The following GFRA1 variants were observed in gnomAD, a reference collection of about 807,000 sequenced individuals.
The protein encoded by GFRA1 is GDNF family receptor alpha 1, also known as GDNF family receptor alpha-1.
GFRA1 carries 16 observed loss-of-function variants against 51.6 expected under a neutral mutation model. The ratio of observed to expected loss-of-function variants is 0.31; its 90% confidence interval spans 0.21 to 0.47. The LOEUF is 0.47. Ranked by LOEUF, GFRA1 falls within the 20% of genes least tolerant of loss-of-function variation. The probability of loss-of-function intolerance (pLI) is 1.00; values close to 1 mark genes in which losing one functional copy is unlikely to be tolerated. For missense variants in GFRA1, 530 were observed against 594.3 expected (o/e 0.89, Z 1.13); for synonymous variants, 270 against 241.3 (o/e 1.12, Z -1.10).
At chr10:116,094,330 T>C (rs1447433677) in intron 7 of GFRA1, among the ~76,000 whole-genome samples, 1 of 152,168 alleles carries the variant, frequency 6.6e-6, no homozygotes, top group East Asian at 1.9e-4. Flanking sequence ...TGAGTGTATA[T>C]ACATATATAT....
rs1303004719 is a variant in GFRA1, at chr10:116,057,012, A to G, written c.*7386T>C. 6.6e-6 allele frequency: 1 copy of G among 152,092 alleles called. No individual in the cohort carries two copies. Among genetic ancestry groups the G allele is most frequent in the Non-Finnish European group, 1.5e-5 (1 of 68,030 alleles). The allele number at this position is 152,092 out of a possible 1,614,324, so 9.4% of individuals were successfully genotyped here. A position where few individuals can be genotyped will look rare whatever the true frequency, so the allele number is the denominator to read the frequency against. ...GACTATGTACATTCTGTAGTGCTTG[A>G]GCAATAGGCTAACAGAAAATTCGAA... On this transcript the variant is annotated 3_prime_UTR_variant, in exon 11 of 11. Transcript: ENST00000355422.
intron 5 of GFRA1, among the ~76,000 whole-genome samples, chr10:116,183,803 T>A (rs1962454219): frequency 6.6e-6 from 1 of 152,230 alleles, no homozygotes; most frequent in Admixed American, 6.5e-5. Flanking sequence ...CACTTACTGA[T>A]CCCAACTTCC....
intron 4 of GFRA1, among the ~76,000 whole-genome samples, chr10:116,248,315 G>A (rs1968036168): frequency 6.6e-6 from 1 of 152,178 alleles, no homozygotes; most frequent in Admixed American, 6.5e-5. Context: ...CTAGACCTGA[G>A]CTGCACCTCC....
At chr10:116,189,030 G>A (rs1963005139) in intron 5 of GFRA1, among the ~76,000 whole-genome samples, 1 of 151,188 alleles carries the variant, frequency 6.6e-6, no homozygotes, top group Non-Finnish European at 1.5e-5. Context: ...TGGGGCAGGA[G>A]GATTGCTTGA....
In GFRA1 at chr10:116,088,571, T is replaced by C. The variant is rs55681228; in HGVS notation, c.1197+1170A>G. 6.7e-3 allele frequency among the ~76,000 whole-genome samples: 1,020 copies of C among 152,142 alleles called. 10 individuals carry two copies. The highest frequency in any genetic ancestry group is 0.024 in the African/African-American group (977 of 41,510). ...TCAAACGAAAGAAGCTACGATACTA[T>C]AGTGACAGCATCTCTCCTGCAGGCA... On this transcript the variant is annotated intron_variant, in intron 9 of 10. Coordinates refer to ENST00000355422, the MANE Select transcript of GFRA1 (RefSeq NM_005264.8).
intron 6 of GFRA1, among the ~76,000 whole-genome samples, chr10:116,112,810 C>T (rs1957263706): frequency 6.6e-6 from 1 of 152,218 alleles, no homozygotes; most frequent in East Asian, 1.9e-4. Context: ...CCATTTCCAC[C>T]TGGAGGGGCT....
intron 5 of GFRA1, among the ~76,000 whole-genome samples, chr10:116,132,719 TAAG>T (rs1958154425): frequency 1.3e-5 from 2 of 152,130 alleles, no homozygotes; most frequent in Non-Finnish European, 2.9e-5. Flanking sequence ...TTTCACCCGG[TAAG>T]AAGATTGATC....
intron 9 of GFRA1, among the ~76,000 whole-genome samples, chr10:116,078,394 A>C (rs1369039030): frequency 6.6e-6 from 1 of 152,194 alleles, no homozygotes. Flanking sequence ...CTTGGAGCCA[A>C]GAAGATGAAG....
intron 10 of GFRA1, among the ~76,000 whole-genome samples, chr10:116,065,252 G>A (rs1955047578): frequency 6.6e-6 from 1 of 152,184 alleles, no homozygotes; most frequent in Non-Finnish European, 1.5e-5. Flanking sequence ...AGAACATCTG[G>A]TAAGCAGTGA....
At chr10:116,086,990 G>T (rs1026529557) in intron 9 of GFRA1, among the ~76,000 whole-genome samples, 1 of 152,126 alleles carries the variant, frequency 6.6e-6, no homozygotes, top group Non-Finnish European at 1.5e-5. Flanking sequence ...GCTAATTTTT[G>T]TATTTTTAGT....
At chr10:116,217,758 A>T (rs942709369) in intron 4 of GFRA1, among the ~76,000 whole-genome samples, 1 of 152,232 alleles carries the variant, frequency 6.6e-6, no homozygotes, top group Non-Finnish European at 1.5e-5. Flanking sequence ...CATCAGCAAC[A>T]TGCCAGTAAC....
At chr10:116,177,465 G>C (rs2134255226) in intron 5 of GFRA1, among the ~76,000 whole-genome samples, 1 of 152,302 alleles carries the variant, frequency 6.6e-6, no homozygotes, top group East Asian at 1.9e-4. Flanking sequence ...GTGCTCATGA[G>C]CTTGGGAGGC....
intron 5 of GFRA1, among the ~76,000 whole-genome samples, chr10:116,208,156 C>T (rs983543272): frequency 1.3e-5 from 2 of 151,900 alleles, no homozygotes; most frequent in African/African-American, 4.8e-5. Flanking sequence ...CCTGGAACAT[C>T]GGGGTGTTCC....
At chr10:116,253,259 G>A (rs1169215270) in intron 4 of GFRA1, among the ~76,000 whole-genome samples, 1 of 152,240 alleles carries the variant, frequency 6.6e-6, no homozygotes, top group Non-Finnish European at 1.5e-5. Flanking sequence ...AGAGCGCCAG[G>A]ATACCTGGAG....
intron 6 of GFRA1, among the ~76,000 whole-genome samples, chr10:116,111,303 C>A (rs868595435): frequency 6.6e-6 from 1 of 152,206 alleles, no homozygotes; most frequent in Non-Finnish European, 1.5e-5. Flanking sequence ...GCAGTGAGGG[C>A]AAGGTCCCAA....
intron 5 of GFRA1, 133 bp from the exon 6 acceptor site, chr10:116,125,690 A>C: frequency 1.4e-6 from 1 of 730,144 alleles, no homozygotes; most frequent in African/African-American, 1.7e-5. Flanking sequence ...TTTGAAGCTA[A>C]TAACTTAATG....
In GFRA1 at chr10:116,255,832, G is replaced by C. The variant is rs547392809; in HGVS notation, c.418+13671C>G. ...CACAGTCAGTTCGCAAAAAACCTGAGTTACTGCTTAAGTGTAGAGTAGAAA... is the reference window on the plus strand; with the variant it reads ...CACAGTCAGTTCGCAAAAAACCTGACTTACTGCTTAAGTGTAGAGTAGAAA... On this transcript the variant is annotated intron_variant, in intron 4 of 10. Coordinates refer to ENST00000355422, the MANE Select transcript of GFRA1 (RefSeq NM_005264.8). 80 of 997,472 alleles carry C rather than the reference G, an allele frequency of 8.0e-5. 1 individual carries two copies. In the South Asian group the frequency reaches 1.1e-3, roughly 14 times the overall value. The allele number at this position is 997,472 out of a possible 1,614,324, so 61.8% of individuals were successfully genotyped here.
At position 116,058,596 on chromosome 10, in the gene GFRA1, A is replaced by T. The variant is rs1295153901; in HGVS notation, c.*5802T>A. The T allele has an allele frequency of 1.3e-5, 2 of 152,208 alleles. No homozygotes were observed. Among genetic ancestry groups the T allele is most frequent in the African/African-American group, 4.8e-5 (2 of 41,458 alleles). 9.4% of individuals were successfully genotyped at this position (152,208 alleles called of 1,614,324 possible). ...CCCTGGGAGACTGAGTCTCAGTTTC[A>T]TGAATGATTTGTAAAGAGAATACAG... On this transcript the variant is annotated 3_prime_UTR_variant, in exon 11 of 11. Transcript: ENST00000355422.
At chr10:116,270,044 C>T (rs1370775558) in intron 3 of GFRA1, among the ~76,000 whole-genome samples, 1 of 152,156 alleles carries the variant, frequency 6.6e-6, no homozygotes, top group Non-Finnish European at 1.5e-5. Flanking sequence ...TTAATAGACT[C>T]TGGAGGAAGT....
Sources: allele counts gnomAD v4.1 joint callset (sites outside exome capture counted in the v4.1 genomes callset), GRCh38; gene constraint gnomAD v4.1.1; transcripts MANE v1.5; gene names NCBI Gene and HGNC (gene_info 2026-07-23, HGNC 2026-07-21).